The following ACVR2A variants were observed in gnomAD, a reference collection of about 807,000 sequenced individuals.
The protein encoded by ACVR2A is activin A receptor type 2A.
In ACVR2A, 7 loss-of-function variants were observed where a neutral mutation model predicts 61.4. That is an observed-to-expected ratio of 0.11 (90% CI 0.06 to 0.21). The LOEUF (loss-of-function observed/expected upper bound fraction) is 0.21, where lower values mean the gene tolerates loss of function less well. ACVR2A is among the 10% of genes least tolerant of loss of function. The pLI, the probability that ACVR2A is intolerant of heterozygous loss-of-function variation, is 1.00. For missense variants in ACVR2A, 322 were observed against 621.7 expected, an observed-to-expected ratio of 0.52 and a Z score of 5.13; for synonymous variants, 193 against 208.3, an observed-to-expected ratio of 0.93 and a Z score of 0.63.
At chr2:147,862,979 G>C (rs550736785) in intron 1 of ACVR2A, among the ~76,000 whole-genome samples, 8 of 152,232 alleles carry the variant, frequency 5.3e-5, no homozygotes, top group Admixed American at 3.3e-4. Context: ...GTGCTATTAA[G>C]TTTTCATGAT....
intron 1 of ACVR2A, among the ~76,000 whole-genome samples, chr2:147,866,427 C>T (rs1685857117): frequency 6.6e-6 from 1 of 152,118 alleles, no homozygotes; most frequent in South Asian, 2.1e-4. Context: ...AAGAGGCTCC[C>T]AGTGATGCCA....
chr2:147,847,696 C>A (rs1202310630), intron 1 of ACVR2A, among the ~76,000 whole-genome samples: 5 of 152,134 alleles, frequency 3.3e-5, no homozygotes, highest in Admixed American at 3.3e-4. Context: ...TCTCTCATTC[C>A]AGGGGAAACA....
At chr2:147,886,932 C>G (rs1163476145) in intron 1 of ACVR2A, among the ~76,000 whole-genome samples, 1 of 152,056 alleles carries the variant, frequency 6.6e-6, no homozygotes, top group Non-Finnish European at 1.5e-5. Context: ...GAAGACAAGG[C>G]TGAGTGCTTG....
intron 6 of ACVR2A, among the ~76,000 whole-genome samples, chr2:147,918,004 C>T (rs1362267738): frequency 6.6e-6 from 1 of 151,764 alleles, no homozygotes; most frequent in East Asian, 1.9e-4. Context: ...CTTCTCTTAT[C>T]TTGACCTAAA....
intron 4 of ACVR2A, among the ~76,000 whole-genome samples, chr2:147,903,558 G>T (rs374870729): frequency 2.6e-5 from 4 of 151,828 alleles, no homozygotes; most frequent in East Asian, 3.9e-4. Flanking sequence ...TAAAATATGT[G>T]TGGGCTCTCA....
chr2:147,863,087 G>A (rs1386695748), intron 1 of ACVR2A, among the ~76,000 whole-genome samples: 2 of 152,184 alleles, frequency 1.3e-5, no homozygotes, highest in African/African-American at 4.8e-5. Flanking sequence ...AATTAAGTAA[G>A]TAGCAGAACT....
intron 9 of ACVR2A, 122 bp from the exon 10 acceptor site, chr2:147,925,909 G>C (rs1687489967): frequency 1.0e-6 from 1 of 977,518 alleles, no homozygotes; most frequent in South Asian, 1.7e-5. Flanking sequence ...TTTCTCTTCT[G>C]TCCTCATAGC....
chr2:147,922,925 T>A, intron 8 of ACVR2A, 48 bp from the exon 9 acceptor site: 1 of 1,578,280 alleles, frequency 6.3e-7, no homozygotes, highest in Non-Finnish European at 8.6e-7. Context: ...ATATGTTAGT[T>A]CATAAAGTTA....
At chr2:147,889,469 G>T (rs985837004) in intron 1 of ACVR2A, among the ~76,000 whole-genome samples, 1 of 152,144 alleles carries the variant, frequency 6.6e-6, no homozygotes, top group African/African-American at 2.4e-5. Flanking sequence ...TTTTGGCCGG[G>T]CGCAGTGGCT....
chr2:147,919,705 T>C (rs2105218208), intron 7 of ACVR2A, among the ~76,000 whole-genome samples: 1 of 152,220 alleles, frequency 6.6e-6, no homozygotes, highest in Non-Finnish European at 1.5e-5. Flanking sequence ...AGTGTATGTT[T>C]ATGGTAAAAA....
rs1208111152 is a variant in ACVR2A at position 147,923,036 on chromosome 2, G to T, written c.1141G>T (p.Ala381Ser). The T allele has an allele frequency of 6.2e-7, 1 of 1,613,424 alleles. No individual in the cohort carries two copies. The highest frequency in any genetic ancestry group is 2.2e-5 in the East Asian group (1 of 44,856). The change falls in exon 9 of 11, where the codon GCA (alanine) becomes TCA (serine). Residue 381 changes from alanine (A) to serine (S), a missense_variant. Physicochemically the swap from Ala to Ser is moderately conservative, Grantham distance 99 (BLOSUM62 1). This residue lies in a region of ACVR2A where 146 missense variants were observed against 383.8 expected (regional missense o/e 0.38). Coordinates refer to ENST00000241416, the MANE Select transcript of ACVR2A (RefSeq NM_001616.5). ...LEGAINFQRD[A>S]FLRIDMYAMG... ...GGGTGCTATAAACTTCCAAAGGGAT[G>T]CATTTTTGAGGATAGATATGTATGC...
At chr2:147,870,328 A>G (rs1234131563) in intron 1 of ACVR2A, among the ~76,000 whole-genome samples, 1 of 152,202 alleles carries the variant, frequency 6.6e-6, no homozygotes, top group East Asian at 1.9e-4. Flanking sequence ...TAATTTAATA[A>G]AAAATGCTAC....
intron 4 of ACVR2A, chr2:147,900,587 A>G (rs565396064): frequency 6.6e-6 from 1 of 152,104 alleles, no homozygotes; most frequent in African/African-American, 2.4e-5. Context: ...AAATTCATTA[A>G]ATTTTCTACA....
chr2:147,847,269 C>A (rs1685335098), intron 1 of ACVR2A, among the ~76,000 whole-genome samples: 3 of 151,984 alleles, frequency 2.0e-5, no homozygotes, highest in Non-Finnish European at 2.9e-5. Context: ...TTGAAATAAT[C>A]ATAAAGACCT....
chr2:147,883,348 A>G lies in ACVR2A; in HGVS notation c.56-12953A>G, dbSNP rs943189785. ...TGGGATTATAGGCGCACGCTACCAC[A>G]CCCAGCTAATTTTTGTATTTTTGGT... On this transcript the variant is annotated intron_variant, in intron 1 of 10. Coordinates refer to ENST00000241416, the MANE Select transcript of ACVR2A (RefSeq NM_001616.5). Among the ~76,000 whole-genome samples, 16 of 152,152 alleles carry G rather than the reference A, an allele frequency of 1.1e-4. No homozygotes were observed. In the East Asian group the frequency reaches 3.1e-3, roughly 29 times the overall value.
At position 147,930,730 on chromosome 2, in the gene ACVR2A, C is replaced by T. The variant is rs1166283527; in HGVS notation, c.*3456C>T. 6.6e-6 allele frequency: 1 copy of T among 152,396 alleles called. No homozygotes were observed. Among genetic ancestry groups the T allele is most frequent in the Non-Finnish European group, 1.5e-5 (1 of 67,964 alleles). The allele number at this position is 152,396 out of a possible 1,614,324, so 9.4% of individuals were successfully genotyped here. A position where few individuals can be genotyped will look rare whatever the true frequency, so the allele number is the denominator to read the frequency against. On this transcript the variant is annotated 3_prime_UTR_variant, in exon 11 of 11. Coordinates refer to ENST00000241416, the MANE Select transcript of ACVR2A (RefSeq NM_001616.5). ...CAGAAAGCTTAAAATCCCCATAAAACCCCACCTTGGATAAGTGATTGTTAA... is the reference window on the plus strand; with the variant it reads ...CAGAAAGCTTAAAATCCCCATAAAATCCCACCTTGGATAAGTGATTGTTAA...
chr2:147,915,448 C>T (rs1164830120), intron 5 of ACVR2A, 114 bp downstream of exon 5: 2 of 1,202,378 alleles, frequency 1.7e-6, no homozygotes, highest in South Asian at 1.4e-5. Flanking sequence ...CTTTGTGATA[C>T]TGGGGAAAGC....
intron 1 of ACVR2A, among the ~76,000 whole-genome samples, chr2:147,859,796 T>C (rs1041627355): frequency 1.3e-5 from 2 of 152,158 alleles, no homozygotes; most frequent in African/African-American, 2.4e-5. Flanking sequence ...CCTTATGAGG[T>C]AGTTAACTGT....
At chr2:147,916,186 G>A (rs577538931) in intron 5 of ACVR2A, among the ~76,000 whole-genome samples, 1 of 151,948 alleles carries the variant, frequency 6.6e-6, no homozygotes, top group South Asian at 2.1e-4. Context: ...TTTACATAGA[G>A]TTTATGAACT....
Sources: gnomAD v4.1 joint callset for allele counts (sites outside exome capture counted in the v4.1 genomes callset) on GRCh38, gnomAD v4.1.1 for gene constraint, gnomAD v4.1.1 regional missense constraint, MANE v1.5 for transcripts, NCBI Gene and HGNC (gene_info 2026-07-23, HGNC 2026-07-21) for gene names.